The following PRDM2 variants were observed in gnomAD, a reference collection of about 807,000 sequenced individuals.
PRDM2 encodes the protein PR domain zinc finger protein 2.
Under a neutral mutation model 130.0 loss-of-function variants are expected in PRDM2, and 30 were observed. The ratio of observed to expected loss-of-function variants is 0.23; its 90% confidence interval spans 0.17 to 0.31. PRDM2 has a LOEUF of 0.31. Ranked by LOEUF, PRDM2 falls within the 10% of genes least tolerant of loss-of-function variation. The pLI, the probability that PRDM2 is intolerant of heterozygous loss-of-function variation, is 1.00. For synonymous variants in PRDM2, 871 were observed against 782.4 expected (o/e 1.11, Z -1.89); for missense variants, 2,011 against 2,108.4 (o/e 0.95, Z 0.90).
intron 7 of PRDM2, among the ~76,000 whole-genome samples, chr1:13,775,330 G>T (rs1009654868): frequency 7.9e-5 from 12 of 152,216 alleles, no homozygotes; most frequent in Non-Finnish European, 1.6e-4. Flanking sequence ...TGAAAATAAA[G>T]TCTGTTAGGA....
Position 13,812,152 on chromosome 1 carries a change from G to A in PRDM2, c.5037-4275G>A, listed in dbSNP as rs748154879. On this transcript the variant is annotated intron_variant, in intron 8 of 9. Coordinates refer to ENST00000311066, the MANE Select transcript of PRDM2 (RefSeq NM_001393986.1). ...TTGCTTAGTGGAGAATGGATTGGTGGTGGGGGGGAGGGTGCAGCGTCGAAG... is the reference window on the plus strand; with the variant it reads ...TTGCTTAGTGGAGAATGGATTGGTGATGGGGGGGAGGGTGCAGCGTCGAAG... Among the ~76,000 whole-genome samples, 6 of 152,030 alleles carry A rather than the reference G, an allele frequency of 3.9e-5. 1 individual carries two copies. Among genetic ancestry groups the A allele is most frequent in the African/African-American group, 7.2e-5 (3 of 41,382 alleles).
At chr1:13,716,356 C>T (rs1439979500) in intron 2 of PRDM2, among the ~76,000 whole-genome samples, 6 of 150,930 alleles carry the variant, frequency 4.0e-5, no homozygotes, top group South Asian at 4.2e-4. Context: ...TGCTAGATGA[C>T]GAGTTAGTGG....
At chr1:13,723,827 ATTTG>A (rs897436416) in intron 2 of PRDM2, among the ~76,000 whole-genome samples, 1 of 152,080 alleles carries the variant, frequency 6.6e-6, no homozygotes, top group Non-Finnish European at 1.5e-5. Context: ...ATTGCCAGGC[ATTTG>A]TTTGCCCGTT....
intron 6 of PRDM2, among the ~76,000 whole-genome samples, chr1:13,750,083 A>C (rs1196488995): frequency 6.6e-6 from 1 of 151,728 alleles, no homozygotes; most frequent in Non-Finnish European, 1.5e-5. Context: ...TGTGGAAGTT[A>C]GAGAGCGTGT....
chr1:13,732,350 A>G (rs1256124936), intron 3 of PRDM2, among the ~76,000 whole-genome samples: 1 of 152,218 alleles, frequency 6.6e-6, no homozygotes, highest in Non-Finnish European at 1.5e-5. Context: ...CCTTTATAAG[A>G]ACAAGTCATG....
At chr1:13,701,194 G>T (rs1642064053) in intron 1 of PRDM2, among the ~76,000 whole-genome samples, 1 of 152,166 alleles carries the variant, frequency 6.6e-6, no homozygotes, top group Non-Finnish European at 1.5e-5. Flanking sequence ...TTTTAGTGTT[G>T]TATTGAGATT....
At chr1:13,754,215 C>A (rs895238436) in intron 6 of PRDM2, among the ~76,000 whole-genome samples, 1 of 152,142 alleles carries the variant, frequency 6.6e-6, no homozygotes, top group Admixed American at 6.5e-5. Flanking sequence ...AAACTCAGTT[C>A]TGCAAATGGA....
At position 13,806,480 on chromosome 1, in the gene PRDM2, G is replaced by A. The variant is rs1645088239; in HGVS notation, c.5037-9947G>A. ...CAAAATGAAACTGTCTCTCCATGAA[G>A]CCTCCCTCTCCTGCTGTCCTCCCTA... On this transcript the variant is annotated intron_variant, in intron 8 of 9. Coordinates refer to ENST00000311066, the MANE Select transcript of PRDM2 (RefSeq NM_001393986.1). The surrounding 1 kb of genome is among the most constrained non-coding windows in gnomAD (Gnocchi z 4.1). Among the ~76,000 whole-genome samples, 1 of 152,138 alleles carries A rather than the reference G, an allele frequency of 6.6e-6. No homozygotes were observed. The highest frequency in any genetic ancestry group is 1.5e-5 in the Non-Finnish European group (1 of 68,028).
At chr1:13,750,762 C>G (rs1481327081) in intron 6 of PRDM2, among the ~76,000 whole-genome samples, 6 of 150,946 alleles carry the variant, frequency 4.0e-5, no homozygotes. Context: ...CGATCAGAGT[C>G]TAGAAAATTC....
At chr1:13,784,224 T>C (rs1405301786) in intron 8 of PRDM2, among the ~76,000 whole-genome samples, 1 of 152,216 alleles carries the variant, frequency 6.6e-6, no homozygotes, top group Non-Finnish European at 1.5e-5. Context: ...ACCTGTGTTA[T>C]CAGCTGTCAA....
At chr1:13,766,584 G>T (rs1030669557) in intron 6 of PRDM2, among the ~76,000 whole-genome samples, 2 of 152,182 alleles carry the variant, frequency 1.3e-5, no homozygotes, top group African/African-American at 4.8e-5. Context: ...GTTGGTATCA[G>T]CCCTGTTGGG....
intron 9 of PRDM2, among the ~76,000 whole-genome samples, chr1:13,817,926 G>T (rs571929224): frequency 6.6e-6 from 1 of 152,344 alleles, no homozygotes; most frequent in East Asian, 1.9e-4. Context: ...CGTGAATGCA[G>T]GAGGTGGAGC....
Position 13,779,780 on chromosome 1 carries a change from C to T in PRDM2, c.1985C>T (p.Ser662Phe), listed in dbSNP as rs771051587. 4 of 1,614,244 alleles carry T rather than the reference C, an allele frequency of 2.5e-6. No homozygotes were observed. Among genetic ancestry groups the T allele is most frequent in the Admixed American group, 1.7e-5 (1 of 60,026 alleles). The change falls in exon 8 of 10, where the codon TCT becomes TTT. Residue 662 changes from serine (S) to phenylalanine (F), a missense_variant. Ser to Phe is a radical substitution (Grantham distance 155). Around this residue, in one of 5 missense-constraint regions of PRDM2, gnomAD observed 1,288 missense variants for 1,237.7 expected, o/e 1.04. Transcript: ENST00000311066. The surrounding 1 kb of genome is among the most constrained non-coding windows in gnomAD (Gnocchi z 4.9). Reference sequence around the variant, plus strand: ...ACAGACTCTGACCCCATGGTCCCCTCTTGCTCTTTAAGTCTTCCTCTTAGC... The same window carrying T: ...ACAGACTCTGACCCCATGGTCCCCTTTTGCTCTTTAAGTCTTCCTCTTAGC... ...AETDSDPMVP[S>F]CSLSLPLSIS... is the part of the protein sequence containing the mutation.
At chr1:13,736,653 A>T (rs1487527397) in intron 4 of PRDM2, among the ~76,000 whole-genome samples, 1 of 152,122 alleles carries the variant, frequency 6.6e-6, no homozygotes, top group African/African-American at 2.4e-5. Context: ...ATACATTTTA[A>T]CTTTTTATAA....
chr1:13,730,483 T>G (rs948066239), intron 2 of PRDM2, among the ~76,000 whole-genome samples: 1 of 152,182 alleles, frequency 6.6e-6, no homozygotes, highest in African/African-American at 2.4e-5. Flanking sequence ...TTGTCGTGTT[T>G]TGGGGTGGAA....
At chr1:13,745,074 A>G (rs1643562153) in intron 5 of PRDM2, among the ~76,000 whole-genome samples, 1 of 152,238 alleles carries the variant, frequency 6.6e-6, no homozygotes, top group African/African-American at 2.4e-5. Context: ...GTGAATATCT[A>G]TTGAGAGTCT....
chr1:13,758,042 T>C (rs908367060), intron 6 of PRDM2, among the ~76,000 whole-genome samples: 4 of 152,142 alleles, frequency 2.6e-5, no homozygotes, highest in Non-Finnish European at 4.4e-5. Context: ...TCTTAGAATA[T>C]GTATGTCTAT....
chr1:13,766,449 G>A (rs1324117363), intron 6 of PRDM2, among the ~76,000 whole-genome samples: 2 of 152,210 alleles, frequency 1.3e-5, no homozygotes, highest in Non-Finnish European at 2.9e-5. Flanking sequence ...TGTAATTATG[G>A]TATTAGTGAT....
chr1:13,762,404 T>A (rs1461541157), intron 6 of PRDM2, among the ~76,000 whole-genome samples: 1 of 152,198 alleles, frequency 6.6e-6, no homozygotes, highest in East Asian at 1.9e-4. Context: ...TAGCCCACTG[T>A]CTCGCCTCAG....
Sources: allele counts gnomAD v4.1 joint callset (sites outside exome capture counted in the v4.1 genomes callset), GRCh38; gene constraint gnomAD v4.1.1; regional missense constraint gnomAD v4.1.1; non-coding constraint Gnocchi (gnomAD v3.1); transcripts MANE v1.5; gene names NCBI Gene and HGNC (gene_info 2026-07-23, HGNC 2026-07-21).